CATSPER4: variants seen among roughly 807,000 people sequenced by gnomAD.
The protein encoded by CATSPER4 is cation channel sperm-associated protein 4.
A neutral mutation model predicts 54.4 loss-of-function variants in CATSPER4; 46 were observed. The ratio of observed to expected loss-of-function variants is 0.84; its 90% confidence interval spans 0.67 to 1.08. The LOEUF (loss-of-function observed/expected upper bound fraction) is 1.08, where lower values mean the gene tolerates loss of function less well. CATSPER4 is among the 50% of genes least tolerant of loss of function. The pLI, the probability that CATSPER4 is intolerant of heterozygous loss-of-function variation, is 0.00. For synonymous variants in CATSPER4, 230 were observed against 231.9 expected (o/e 0.99, Z 0.08); for missense variants, 574 against 612.8 (o/e 0.94, Z 0.67).
intron 8 of CATSPER4, 111 bp downstream of exon 8, chr1:26,201,152 C>T (rs1371736032): frequency 2.9e-6 from 3 of 1,041,754 alleles, no homozygotes; most frequent in Non-Finnish European, 4.5e-6. Context: ...GCCTGGGCCC[C>T]ACAGAGGTCC....
At chr1:26,192,589 C>CA (rs201920069) in intron 2 of CATSPER4, among the ~76,000 whole-genome samples, 90 of 68,488 alleles carry the variant, frequency 1.3e-3, no homozygotes, top group Non-Finnish European at 2.6e-3. Context: ...GACTCTATCT[C>CA]AAAAAAAAAA....
chr1:26,200,353 A>G (rs2124529604), intron 7 of CATSPER4, among the ~76,000 whole-genome samples: 1 of 152,282 alleles, frequency 6.6e-6, no homozygotes, highest in East Asian at 1.9e-4. Flanking sequence ...AATGGGAATA[A>G]TAATAGTACT....
chr1:26,199,497 G>A (rs1485945420), intron 6 of CATSPER4, among the ~76,000 whole-genome samples: 1 of 151,194 alleles, frequency 6.6e-6, no homozygotes, highest in African/African-American at 2.4e-5. Flanking sequence ...TACTTGGGAG[G>A]CTGAGGCGGG....
At chr1:26,202,101 T>G (rs145608686) in intron 9 of CATSPER4, among the ~76,000 whole-genome samples, 28 of 152,324 alleles carry the variant, frequency 1.8e-4, no homozygotes, top group African/African-American at 6.5e-4. Flanking sequence ...CTCTAGTGCC[T>G]TCAAACCTAC....
At chr1:26,195,983 A>C (rs1252005671) in intron 3 of CATSPER4, among the ~76,000 whole-genome samples, 1 of 152,088 alleles carries the variant, frequency 6.6e-6, no homozygotes, top group African/African-American at 2.4e-5. Flanking sequence ...CACAGTATTT[A>C]TTTTTACAAT....
rs2088966280 is a variant in CATSPER4 at position 26,198,267 on chromosome 1, G to T, written c.679-19G>T. 6.2e-7 allele frequency: 1 copy of T among 1,614,080 alleles called. No homozygotes were observed. The highest frequency in any genetic ancestry group is 1.1e-5 in the South Asian group (1 of 91,092). ...GGCCCTTTGGTGAAGTCGGGGTGGG[G>T]CTCTTTTCTCTCTGACAGGTTTTTT... On this transcript the variant is annotated intron_variant, in intron 5 of 9. Transcript: ENST00000456354.
Position 26,200,832 on chromosome 1 carries a change from A to G in CATSPER4, c.990A>G (p.Thr330=), listed in dbSNP as rs1260046410. 1.9e-6 allele frequency: 3 copies of G among 1,613,050 alleles called. No individual in the cohort carries two copies. The highest frequency in any genetic ancestry group is 1.7e-6 in the Non-Finnish European group (2 of 1,179,082). The change falls in exon 8 of 10, where the codon ACA becomes ACG. Residue 330 remains threonine, a splice_region_variant and synonymous_variant. Coordinates refer to ENST00000456354, the MANE Select transcript of CATSPER4 (RefSeq NM_198137.2). Reference sequence around the variant, plus strand: ...CCTCTCTATCCCCCGCTTCCCAGACAGGCGCAGAGGAAGAGGAGGAGAATG... The same window carrying G: ...CCTCTCTATCCCCCGCTTCCCAGACGGGCGCAGAGGAAGAGGAGGAGAATG... ...GQQQRITFSE[T]GAEEEEENDQ...
chr1:26,197,653 G>A, intron 3 of CATSPER4, 33 bp from the exon 4 acceptor site: 1 of 1,532,456 alleles, frequency 6.5e-7, no homozygotes, highest in Non-Finnish European at 9.0e-7. Context: ...GGCTGGGCCT[G>A]ACAGACCCCA....
intron 9 of CATSPER4, among the ~76,000 whole-genome samples, chr1:26,201,871 G>C (rs1240163054): frequency 2.0e-5 from 3 of 151,660 alleles, no homozygotes; most frequent in African/African-American, 7.3e-5. Context: ...TGTAGTTTTA[G>C]TAGAGATGGG....
rs543476131 is a variant in CATSPER4 at position 26,199,585 on chromosome 1, C to T, written c.813-299C>T. ...CTTCACTCCAGTCTGGGCAACACAG[C>T]GAGACTCCATCTCAAAAAAAAAAAA... On this transcript the variant is annotated intron_variant, in intron 6 of 9. Coordinates refer to ENST00000456354, the MANE Select transcript of CATSPER4 (RefSeq NM_198137.2). Among the ~76,000 whole-genome samples the T allele has an allele frequency of 4.2e-4, 44 of 104,152 alleles. 1 individual carries two copies. The highest frequency in any genetic ancestry group is 1.4e-3 in the African/African-American group (35 of 25,298). The allele number at this position is 104,152 out of a possible 152,430, so 68.3% of individuals were successfully genotyped here.
At chr1:26,194,726 C>A (rs534958844) in intron 3 of CATSPER4, among the ~76,000 whole-genome samples, 2 of 152,252 alleles carry the variant, frequency 1.3e-5, no homozygotes, top group East Asian at 1.9e-4. Context: ...AGACTCAGTA[C>A]GAGAGGCCAG....
intron 6 of CATSPER4, among the ~76,000 whole-genome samples, chr1:26,198,936 C>T (rs2088974893): frequency 6.6e-6 from 1 of 152,174 alleles, no homozygotes; most frequent in Non-Finnish European, 1.5e-5. Flanking sequence ...TTATCTTCTA[C>T]ATGTGAGTAT....
In CATSPER4 at chr1:26,200,016, G is replaced by C; in HGVS notation, c.945G>C (p.Lys315Asn). The change falls in exon 7 of 10, where the codon AAG (lysine) becomes AAC (asparagine). Residue 315 changes from lysine (K) to asparagine (N), a missense_variant. Transcript: ENST00000456354. ...CCACCAACCTGGAGCAAATGATGAAGGCAGGAGAGCAGGGACAACAGCAAC... is the reference window on the plus strand; with the variant it reads ...CCACCAACCTGGAGCAAATGATGAACGCAGGAGAGCAGGGACAACAGCAAC... The part of the protein sequence containing the change: ...VVTTNLEQMM[K>N]AGEQGQQQRI... The C allele has an allele frequency of 1.2e-6, 2 of 1,613,972 alleles. No homozygotes were observed. Among genetic ancestry groups the C allele is most frequent in the Non-Finnish European group, 1.7e-6 (2 of 1,179,924 alleles).
intron 3 of CATSPER4, 138 bp downstream of exon 3, chr1:26,194,026 T>C: frequency 2.8e-6 from 2 of 724,560 alleles, no homozygotes; most frequent in Non-Finnish European, 5.1e-6. Flanking sequence ...TTCAGAGATG[T>C]GTATGATGTG....
In CATSPER4 at chr1:26,200,638, TGG is replaced by T. The variant is rs539764689; in HGVS notation, c.988-187_988-186del. Reference sequence around the variant, plus strand: ...AATGGGGTGAGAATTTTTAAAGAGGTGGGGGGAGGTCATGTGCATTTAAAGTT... The same window carrying T: ...AATGGGGTGAGAATTTTTAAAGAGGTGGGGAGGTCATGTGCATTTAAAGTT... On this transcript the variant is annotated intron_variant, in intron 7 of 9. Coordinates refer to ENST00000456354, the MANE Select transcript of CATSPER4 (RefSeq NM_198137.2). Among the ~76,000 whole-genome samples, 71 of 151,532 alleles carry T rather than the reference TGG, an allele frequency of 4.7e-4. 1 individual carries two copies. Among genetic ancestry groups the T allele is most frequent in the Non-Finnish European group, 5.6e-4 (38 of 67,870 alleles).
chr1:26,200,928 G>T lies in CATSPER4; in HGVS notation c.1086G>T (p.Ala362=), dbSNP rs184947885. ...CTGGTCTCCTCCAGGAACCCCTTGCGGGAGGCCCCCTGTCGAACCTCTCAG... is the reference window on the plus strand; with the variant it reads ...CTGGTCTCCTCCAGGAACCCCTTGCTGGAGGCCCCCTGTCGAACCTCTCAG... ...EKSGLLQEPL[A]GGPLSNLSEN... Residue 362 remains alanine (A), a synonymous_variant, in exon 8 of 10, where the codon GCG becomes GCT. Transcript: ENST00000456354. The T allele has an allele frequency of 1.3e-5, 21 of 1,614,032 alleles. No individual in the cohort carries two copies. The highest frequency in any genetic ancestry group is 1.7e-5 in the Non-Finnish European group (20 of 1,179,980).
At chr1:26,198,541 T>G in intron 6 of CATSPER4, 122 bp downstream of exon 6, 3 of 1,263,906 alleles carry the variant, frequency 2.4e-6, no homozygotes, top group Non-Finnish European at 3.4e-6. Flanking sequence ...AAGTGGGGGT[T>G]CCCAGGTCTT....
At chr1:26,190,919 C>A in intron 1 of CATSPER4, 79 bp downstream of exon 1, 1 of 1,363,744 alleles carries the variant, frequency 7.3e-7, no homozygotes, top group East Asian at 2.5e-5. Context: ...TAACTCTGCC[C>A]CTCTACCCTC....
At chr1:26,193,958 C>G in intron 3 of CATSPER4, 70 bp downstream of exon 3, 1 of 1,017,738 alleles carries the variant, frequency 9.8e-7, no homozygotes, top group East Asian at 2.4e-5. Context: ...CCCCTGTACT[C>G]CTGGCCCTAC....
Sources: allele counts gnomAD v4.1 joint callset (sites outside exome capture counted in the v4.1 genomes callset), GRCh38; gene constraint gnomAD v4.1.1; transcripts MANE v1.5; gene names NCBI Gene and HGNC (gene_info 2026-07-23, HGNC 2026-07-21).